Variants in TEK observed in about 807,000 individuals in gnomAD.
TEK encodes TEK receptor tyrosine kinase.
A neutral mutation model predicts 131.8 loss-of-function variants in TEK; 43 were observed. That is an observed-to-expected ratio of 0.33 (90% CI 0.26 to 0.42). The LOEUF is 0.42. TEK is among the 10% of genes least tolerant of loss of function. TEK has a pLI of 1.00. For synonymous variants in TEK, 580 were observed against 491.6 expected (o/e 1.18, Z -2.38); for missense variants, 1,162 against 1,384.4 (o/e 0.84, Z 2.55).
At chr9:27,118,549 G>A (rs920983644) in intron 1 of TEK, among the ~76,000 whole-genome samples, 13 of 152,156 alleles carry the variant, frequency 8.5e-5, no homozygotes, top group African/African-American at 2.9e-4. Context: ...TAGATGGATC[G>A]CTTTAGCCTG....
chr9:27,111,679 A>G (rs1441181551), intron 1 of TEK, among the ~76,000 whole-genome samples: 1 of 152,064 alleles, frequency 6.6e-6, no homozygotes, highest in East Asian at 1.9e-4. Context: ...TTCTGAATTG[A>G]GAATCATTGC....
At chr9:27,208,700 G>T (rs1825491258) in intron 15 of TEK, among the ~76,000 whole-genome samples, 1 of 152,188 alleles carries the variant, frequency 6.6e-6, no homozygotes, top group Non-Finnish European at 1.5e-5. Context: ...GGTAGATTTA[G>T]CTGGAAGAGC....
intron 1 of TEK, among the ~76,000 whole-genome samples, chr9:27,124,233 C>G (rs1479137519): frequency 6.6e-6 from 1 of 152,188 alleles, no homozygotes; most frequent in Admixed American, 6.5e-5. Flanking sequence ...GTGGCTAAAC[C>G]AACATTTATA....
At chr9:27,111,453 G>A (rs947030410) in intron 1 of TEK, among the ~76,000 whole-genome samples, 7 of 152,030 alleles carry the variant, frequency 4.6e-5, no homozygotes, top group Non-Finnish European at 7.4e-5. Flanking sequence ...AAGCAGTGGA[G>A]CAAGGGGCTT....
At chr9:27,144,956 A>G (rs1479947983) in intron 1 of TEK, among the ~76,000 whole-genome samples, 3 of 152,200 alleles carry the variant, frequency 2.0e-5, no homozygotes, top group East Asian at 1.9e-4. Flanking sequence ...AGAATTCCAC[A>G]AGACAGTGTT....
chr9:27,135,658 T>C (rs1037399406), intron 1 of TEK, among the ~76,000 whole-genome samples: 3 of 152,154 alleles, frequency 2.0e-5, no homozygotes, highest in Admixed American at 1.3e-4. Flanking sequence ...AGATGACCAA[T>C]CTGAGGCACA....
In TEK at chr9:27,190,701, G is replaced by A; in HGVS notation, c.1489+11G>A. ...GGCAACATATTCAAGGTAAGCTTTG[G>A]ACAGGATAGATGCCAGCTGGGGATG... is the stretch of plus-strand genomic sequence containing the variant. On this transcript the variant is annotated intron_variant, in intron 10 of 22. Coordinates refer to ENST00000380036, the MANE Select transcript of TEK (RefSeq NM_000459.5). 1 of 1,613,852 alleles carries A rather than the reference G, an allele frequency of 6.2e-7. No homozygotes were observed. Among genetic ancestry groups the A allele is most frequent in the East Asian group, 2.2e-5 (1 of 44,870 alleles).
intron 7 of TEK, 143 bp downstream of exon 7, chr9:27,180,511 C>A (rs534395703): frequency 8.1e-7 from 1 of 1,228,986 alleles, no homozygotes; most frequent in Admixed American, 2.0e-5. Flanking sequence ...TATCCTAAAT[C>A]CTAAAGCACA....
chr9:27,139,025 T>C (rs7043905), intron 1 of TEK, among the ~76,000 whole-genome samples: 78,200 of 150,960 alleles, frequency 0.52, 21,218 homozygotes, highest in African/African-American at 0.57. Flanking sequence ...CTGGCTAACC[T>C]GGTGAAATCC....
intron 1 of TEK, among the ~76,000 whole-genome samples, chr9:27,121,930 CAG>C (rs897830410): frequency 1.3e-5 from 2 of 152,162 alleles, no homozygotes; most frequent in African/African-American, 2.4e-5. Flanking sequence ...CAAAGTGAAA[CAG>C]AGTTTCACAG....
chr9:27,131,324 T>TA (rs1041127342), intron 1 of TEK, among the ~76,000 whole-genome samples: 4 of 150,690 alleles, frequency 2.7e-5, no homozygotes, highest in Admixed American at 2.6e-4. Flanking sequence ...CCGTCTCTAT[T>TA]AAAAATACAA....
chr9:27,140,774 GTTTATCC>G (rs957392153), intron 1 of TEK, among the ~76,000 whole-genome samples: 8 of 152,054 alleles, frequency 5.3e-5, no homozygotes, highest in Middle Eastern at 3.4e-3. Context: ...GCTTTTAACA[GTTTATCC>G]TTTATATATT....
chr9:27,204,919 G>T lies in TEK; in HGVS notation c.2218G>T (p.Asp740Tyr), dbSNP rs776237947. Residue 740 changes from aspartate to tyrosine, a missense_variant, in exon 14 of 23, where the codon GAC becomes TAC. Asp to Tyr is a radical substitution (Grantham distance 160). Coordinates refer to ENST00000380036, the MANE Select transcript of TEK (RefSeq NM_000459.5). ...TCTGTCTTCCTGCACAGCACCAGCG[G>T]ACCTCGGAGGGGGGAAGATGCTGCT... ...VTLPESQAPA[D>Y]LGGGKMLLIA... The T allele has an allele frequency of 6.2e-7, 1 of 1,613,912 alleles. No homozygotes were observed. The highest frequency in any genetic ancestry group is 8.5e-7 in the Non-Finnish European group (1 of 1,179,880).
chr9:27,113,345 C>T (rs1218955356), intron 1 of TEK, among the ~76,000 whole-genome samples: 5 of 152,148 alleles, frequency 3.3e-5, no homozygotes, highest in African/African-American at 7.2e-5. Context: ...TAATACAGCA[C>T]TTTGGGAGGC....
At chr9:27,209,298 T>G (rs1825515212) in intron 16 of TEK, 67 bp downstream of exon 16, 1 of 1,106,550 alleles carries the variant, frequency 9.0e-7, no homozygotes, top group Admixed American at 1.7e-5. Context: ...CATATGGATA[T>G]AAGGAAAGAT....
At position 27,180,168 on chromosome 9, in the gene TEK, C is replaced by G. The variant is rs1824310378; in HGVS notation, c.902-72C>G. On this transcript the variant is annotated intron_variant, in intron 6 of 22. Coordinates refer to ENST00000380036, the MANE Select transcript of TEK (RefSeq NM_000459.5). Reference sequence around the variant, plus strand: ...TGATGGCTTAGAGAGAAAAATAAAACTAAACACCTGCAGTCTTAGTTTCCT... The same window carrying G: ...TGATGGCTTAGAGAGAAAAATAAAAGTAAACACCTGCAGTCTTAGTTTCCT... 1.9e-6 allele frequency: 3 copies of G among 1,602,622 alleles called. No homozygotes were observed. The Admixed American group carries it at 5.0e-5, about 27-fold the overall frequency.
chr9:27,112,040 G>A (rs939697950), intron 1 of TEK, among the ~76,000 whole-genome samples: 1 of 152,028 alleles, frequency 6.6e-6, no homozygotes, highest in Non-Finnish European at 1.5e-5. Flanking sequence ...TGGGACTACA[G>A]GCGTGCGCCA....
At chr9:27,136,090 T>TTA (rs1222339989) in intron 1 of TEK, among the ~76,000 whole-genome samples, 10 of 148,664 alleles carry the variant, frequency 6.7e-5, no homozygotes, top group African/African-American at 2.3e-4. Flanking sequence ...CAGTTATTTT[T>TTA]TTTTTTTTTG....
rs35030851 is a variant in TEK, at chr9:27,197,488, G to C, written c.1798G>C (p.Val600Leu). ...TAAAGTTCCAGGCAACTTGACTTCG[G>C]TGCTACTTAACAACTTACATCCCAG... Reference protein sequence around the residue: ...NIKVPGNLTSVLLNNLHPREQ... With the variant: ...NIKVPGNLTSLLLNNLHPREQ... The change falls in exon 12 of 23, where the codon GTG (valine) becomes CTG (leucine). Residue 600 changes from valine (V) to leucine (L), a missense_variant. Transcript: ENST00000380036. 3.7e-6 allele frequency: 6 copies of C among 1,613,978 alleles called. 1 individual carries two copies. In the South Asian group the frequency reaches 5.5e-5, roughly 15 times the overall value.
Sources: gnomAD v4.1 joint callset for allele counts (sites outside exome capture counted in the v4.1 genomes callset) on GRCh38, gnomAD v4.1.1 for gene constraint, MANE v1.5 for transcripts, NCBI Gene and HGNC (gene_info 2026-07-23, HGNC 2026-07-21) for gene names.